The following FAN1 variants were observed in gnomAD, a reference collection of about 807,000 sequenced individuals.
The protein encoded by FAN1 is FANCD2 and FANCI associated nuclease 1, also known as fanconi-associated nuclease 1.
A neutral mutation model predicts 104.9 loss-of-function variants in FAN1; 91 were observed. The ratio of observed to expected loss-of-function variants is 0.87; its 90% CI spans 0.73 to 1.03. The LOEUF is 1.03. Among genes scored for constraint, FAN1 ranks in the 50% least tolerant of loss-of-function variants. The pLI, the probability that FAN1 is intolerant of heterozygous loss-of-function variation, is 0.00. For synonymous variants in FAN1, 478 were observed against 457.6 expected, an observed-to-expected ratio of 1.04 and a Z score of -0.57; for missense variants, 1,263 against 1,239.9, an observed-to-expected ratio of 1.02 and a Z score of -0.28.
At chr15:30,913,716 A>G in intron 4 of FAN1, 142 bp from the exon 5 acceptor site, 1 of 622,394 alleles carries the variant, frequency 1.6e-6, no homozygotes, top group Non-Finnish European at 2.8e-6. Flanking sequence ...GTGAGCTCTC[A>G]GCCCCAGAGC....
At chr15:30,929,615 AATAT>A (rs1196441172) in intron 12 of FAN1, among the ~76,000 whole-genome samples, 1 of 129,826 alleles carries the variant, frequency 7.7e-6, no homozygotes, top group Non-Finnish European at 1.5e-5. Flanking sequence ...TTACATATAT[AATAT>A]ATATTATATA....
intron 10 of FAN1, 64 bp downstream of exon 10, chr15:30,926,003 G>C (rs1211885096): frequency 6.4e-7 from 1 of 1,551,556 alleles, no homozygotes; most frequent in East Asian, 2.3e-5. Flanking sequence ...GCACTGGATG[G>C]GCTGTCAGCA....
Position 30,905,664 on chromosome 15 carries a change from G to C in FAN1, c.1001G>C (p.Ser334Thr). ...HSSADDASAWSNIQEAPLQDD... is the reference protein window; with the variant it reads ...HSSADDASAWTNIQEAPLQDD... ...TCTGCAGATGATGCTTCTGCATGGAGTAACATCCAAGAGGCTCCTCTGCAG... is the reference window on the plus strand; with the variant it reads ...TCTGCAGATGATGCTTCTGCATGGACTAACATCCAAGAGGCTCCTCTGCAG... Residue 334 changes from serine to threonine, a missense_variant, in exon 2 of 15, where the codon AGT becomes ACT. Transcript: ENST00000362065. 1.2e-6 allele frequency: 2 copies of C among 1,614,110 alleles called. No individual in the cohort carries two copies. Among genetic ancestry groups the C allele is most frequent in the Non-Finnish European group, 8.5e-7 (1 of 1,179,950 alleles).
chr15:30,939,477 A>G (rs984338740), intron 14 of FAN1: 1 of 985,372 alleles, frequency 1.0e-6, no homozygotes, highest in Non-Finnish European at 1.2e-6. Flanking sequence ...GTTGTTTTTC[A>G]TATTATGCAC....
rs778620236 is a variant in FAN1 at position 30,941,604 on chromosome 15, A to G, written c.*42A>G. On this transcript the variant is annotated 3_prime_UTR_variant, in exon 15 of 15. Transcript: ENST00000362065. ...GAAAATGGAAATGAGGAGGAGAGAA[A>G]CTCCGGTGTCCCCGAGGTGTCGGTG... The G allele has an allele frequency of 3.1e-6, 5 of 1,600,194 alleles. No individual in the cohort carries two copies. The South Asian group carries it at 5.6e-5, about 18-fold the overall frequency.
Position 30,905,908 on chromosome 15 carries a change from C to G in FAN1, c.1234+11C>G, listed in dbSNP as rs2061968470. On this transcript the variant is annotated intron_variant, in intron 2 of 14. Transcript: ENST00000362065. ...TTTATCAGTTATCAGGTATCTTACG[C>G]ACGTGTTTGTTTTCAAGTTTTCATT... The G allele has an allele frequency of 6.2e-7, 1 of 1,601,900 alleles. No homozygotes were observed. Among genetic ancestry groups the G allele is most frequent in the Non-Finnish European group, 8.5e-7 (1 of 1,173,238 alleles).
At chr15:30,927,615 T>A (rs2062498518) in intron 10 of FAN1, 2 of 985,350 alleles carry the variant, frequency 2.0e-6, no homozygotes, top group African/African-American at 3.5e-5. Context: ...CCTGTAAATG[T>A]CAGGTGGGAC....
At chr15:30,919,132 G>A (rs150864828) in intron 6 of FAN1, among the ~76,000 whole-genome samples, 1,824 of 152,308 alleles carry the variant, frequency 0.012, 8 homozygotes, top group Middle Eastern at 0.017. Flanking sequence ...TGTAATCCCG[G>A]CACTTTGGGA....
Position 30,942,292 on chromosome 15 carries a change from T to C in FAN1, c.*730T>C. The C allele has an allele frequency of 1.6e-6, 1 of 614,834 alleles. No individual in the cohort carries two copies. The highest frequency in any genetic ancestry group is 4.4e-4 in the Middle Eastern group (1 of 2,250). The allele number at this position is 614,834 out of a possible 1,614,324, so 38.1% of individuals were successfully genotyped here. A position where few individuals can be genotyped will look rare whatever the true frequency, so the allele number is the denominator to read the frequency against. Reference sequence around the variant, plus strand: ...CCTAGGCTGTTACTATCAGCCTGAATGGGGGCGGGATGAGAGTACCTCCTA... The same window carrying C: ...CCTAGGCTGTTACTATCAGCCTGAACGGGGGCGGGATGAGAGTACCTCCTA... On this transcript the variant is annotated 3_prime_UTR_variant, in exon 15 of 15. Coordinates refer to ENST00000362065, the MANE Select transcript of FAN1 (RefSeq NM_014967.5).
chr15:30,939,971 CATT>C, intron 14 of FAN1: 1 of 981,992 alleles, frequency 1.0e-6, no homozygotes, highest in Non-Finnish European at 1.2e-6. Flanking sequence ...TATCCAGAGA[CATT>C]ATCAAATTTT....
intron 10 of FAN1, chr15:30,926,642 G>A: frequency 1.0e-6 from 1 of 985,296 alleles, no homozygotes; most frequent in Non-Finnish European, 1.2e-6. Flanking sequence ...ACGTGCAAAT[G>A]CCAGTGAAGA....
At chr15:30,933,577 T>C (rs1346477263) in intron 13 of FAN1, among the ~76,000 whole-genome samples, 1 of 152,226 alleles carries the variant, frequency 6.6e-6, no homozygotes, top group Non-Finnish European at 1.5e-5. Flanking sequence ...TGTTTGTACT[T>C]GAAAAGAATG....
At position 30,904,685 on chromosome 15, in the gene FAN1, C is replaced by T. The variant is rs776542535; in HGVS notation, c.22C>T (p.Pro8Ser). 3 of 1,604,832 alleles carry T rather than the reference C, an allele frequency of 1.9e-6. No homozygotes were observed. The highest frequency in any genetic ancestry group is 1.1e-5 in the South Asian group (1 of 90,166). Residue 8 changes from proline to serine, a missense_variant, in exon 2 of 15, where the codon CCT becomes TCT. By Grantham distance (74) the Pro-to-Ser change is moderately conservative. Coordinates refer to ENST00000362065, the MANE Select transcript of FAN1 (RefSeq NM_014967.5). ...ACTCATGATGTCAGAAGGGAAACCT[C>T]CTGACAAAAAAAGGCCTCGTAGAAG... MMSEGKP[P>S]DKKRPRRSLS...
At chr15:30,926,063 G>A in intron 10 of FAN1, 124 bp downstream of exon 10, 1 of 981,766 alleles carries the variant, frequency 1.0e-6, no homozygotes, top group Non-Finnish European at 1.5e-6. Context: ...AAGATGCTGT[G>A]GGCTGGGGGA....
chr15:30,918,354 C>G (rs2062238656), intron 6 of FAN1, 59 bp downstream of exon 6: 2 of 1,546,726 alleles, frequency 1.3e-6, no homozygotes, highest in East Asian at 4.5e-5. Context: ...GTTCCCAACA[C>G]TTACAGTAAT....
rs770014670 is a variant in FAN1, at chr15:30,904,701, C to T, written c.38C>T (p.Pro13Leu). 1 of 1,605,350 alleles carries T rather than the reference C, an allele frequency of 6.2e-7. No homozygotes were observed. The highest frequency in any genetic ancestry group is 2.2e-5 in the East Asian group (1 of 44,758). ...GGGAAACCTCCTGACAAAAAAAGGC[C>T]TCGTAGAAGCTTATCAATCAGCAAG... ...SEGKPPDKKR[P>L]RRSLSISKNK... Residue 13 changes from proline (P) to leucine (L), a missense_variant, in exon 2 of 15, where the codon CCT (proline) becomes CTT (leucine). By Grantham distance (98) the Pro-to-Leu change is moderately conservative (BLOSUM62 -3). Around this residue, in one of 2 missense-constraint regions of FAN1, gnomAD observed 682 missense variants for 571.1 expected, o/e 1.19. Transcript: ENST00000362065.
chr15:30,941,346 T>C lies in FAN1; in HGVS notation c.*4-220T>C, dbSNP rs1203155741. ...GATTCAACATGTTTTTAAATATTAG[T>C]GCAAATTCCAACTATTATTCTTACA... On this transcript the variant is annotated intron_variant, in intron 14 of 14. Transcript: ENST00000362065. 11 of 1,534,964 alleles carry C rather than the reference T, an allele frequency of 7.2e-6. No homozygotes were observed. In the East Asian group the frequency reaches 2.7e-4, roughly 38 times the overall value.
In FAN1 at chr15:30,904,661, C is replaced by G; in HGVS notation, c.-3C>G. On this transcript the variant is annotated 5_prime_UTR_variant, in exon 2 of 15. Transcript: ENST00000362065. Reference sequence around the variant, plus strand: ...CTCAGAACATCCAGTTTTTCTAATACTCATGATGTCAGAAGGGAAACCTCC... The same window carrying G: ...CTCAGAACATCCAGTTTTTCTAATAGTCATGATGTCAGAAGGGAAACCTCC... The G allele has an allele frequency of 6.2e-7, 1 of 1,607,730 alleles. No homozygotes were observed. Among genetic ancestry groups the G allele is most frequent in the Non-Finnish European group, 8.5e-7 (1 of 1,177,460 alleles).
chr15:30,927,470 GAC>G, intron 10 of FAN1: 1 of 985,712 alleles, frequency 1.0e-6, no homozygotes, highest in Non-Finnish European at 1.2e-6. Context: ...AGGAAGACAG[GAC>G]AGAGAGCAGC....
Sources: allele counts gnomAD v4.1 joint callset (sites outside exome capture counted in the v4.1 genomes callset), GRCh38; gene constraint gnomAD v4.1.1; regional missense constraint gnomAD v4.1.1; transcripts MANE v1.5; gene names NCBI Gene and HGNC (gene_info 2026-07-23, HGNC 2026-07-21).